The following SP110 variants were observed in gnomAD, a reference collection of about 807,000 sequenced individuals.
SP110 encodes SP110 nuclear body protein.
Under a neutral mutation model 92.7 loss-of-function variants are expected in SP110, and 62 were observed. The ratio of observed to expected loss-of-function variants is 0.67; its 90% CI spans 0.55 to 0.83. SP110 has a LOEUF of 0.83. Ranked by LOEUF, SP110 falls within the 40% of genes least tolerant of loss-of-function variation. SP110 has a pLI of 0.00. For missense variants in SP110, 793 were observed against 863.9 expected (o/e 0.92, Z 1.03); for synonymous variants, 273 against 305.3 (o/e 0.89, Z 1.10).
chr2:230,224,178 C>A (rs185650711), upstream of SP110, among the ~76,000 whole-genome samples: 9 of 152,316 alleles, frequency 5.9e-5, no homozygotes, highest in Admixed American at 5.2e-4. Flanking sequence ...CCAATCTTAC[C>A]ACCAGTCAGC....
intron 10 of SP110, among the ~76,000 whole-genome samples, chr2:230,198,461 C>CGAGA (rs2042978583): frequency 6.6e-6 from 1 of 152,204 alleles, no homozygotes; most frequent in African/African-American, 2.4e-5. Context: ...TCCTCTTTCT[C>CGAGA]TGGTCTCCCT....
At chr2:230,202,095 A>G (rs1202246677) in intron 9 of SP110, among the ~76,000 whole-genome samples, 1 of 152,216 alleles carries the variant, frequency 6.6e-6, no homozygotes. Context: ...CAAACATAAA[A>G]TGATGTCACT....
intron 8 of SP110, among the ~76,000 whole-genome samples, chr2:230,206,425 G>A (rs1297989799): frequency 3.3e-5 from 5 of 151,236 alleles, no homozygotes; most frequent in South Asian, 2.1e-4. Flanking sequence ...CACTGGTCTC[G>A]TTCCCTCAGT....
At chr2:230,172,677 G>A in intron 15 of SP110, 167 bp downstream of exon 15, 2 of 619,940 alleles carry the variant, frequency 3.2e-6, no homozygotes, top group Non-Finnish European at 5.9e-6. Flanking sequence ...GGCAGAAGCA[G>A]TGTGGGGCCA....
rs1321391212 is a variant in SP110, at chr2:230,165,988, G to A, written c.*3136C>T. Reference sequence around the variant, plus strand: ...GGCTCACTGCAACCTCCACCTCCCGGGTTCAAGCGATTCTCCTGCCTCAGC... The same window carrying A: ...GGCTCACTGCAACCTCCACCTCCCGAGTTCAAGCGATTCTCCTGCCTCAGC... On this transcript the variant is annotated 3_prime_UTR_variant, in exon 19 of 19. Transcript: ENST00000258381. Among the ~76,000 whole-genome samples, 2 of 151,290 alleles carry A rather than the reference G, an allele frequency of 1.3e-5. No homozygotes were observed. The highest frequency in any genetic ancestry group is 3.9e-4 in the East Asian group (2 of 5,166).
chr2:230,170,852 G>A (rs1473366161), intron 17 of SP110, 91 bp from the exon 18 acceptor site: 1 of 1,342,082 alleles, frequency 7.5e-7, no homozygotes, highest in Non-Finnish European at 1.1e-6. Flanking sequence ...TTCATTTCCA[G>A]GGTCATAATG....
At chr2:230,203,079 TA>T (rs139907286) in intron 8 of SP110, 42,404 of 336,774 alleles carry the variant, frequency 0.13, 3,385 homozygotes, top group South Asian at 0.25. Context: ...AGGTGTCTTA[TA>T]AAGCACCTCT....
intron 14 of SP110, chr2:230,176,507 T>C (rs2041865171): frequency 1.9e-6 from 3 of 1,542,628 alleles, no homozygotes; most frequent in Non-Finnish European, 2.6e-6. Context: ...TTTAGAGTCA[T>C]TTGCTTCCCC....
Position 230,186,041 on chromosome 2 carries a change from C to T in SP110, c.1232G>A (p.Arg411Lys). The part of the protein sequence containing the change: ...DSTWNSEVMM[R>K]VQKARTKCAR... ...ACATTTAGTTCTTGCCTTTTGGACC[C>T]TCATCATGACCTCTGAGTTCCAGGT... The change falls in exon 11 of 19, where the codon AGG becomes AAG. Residue 411 changes from arginine (R) to lysine (K), a missense_variant. Arg to Lys is a conservative substitution (Grantham distance 26). Coordinates refer to ENST00000258381, the MANE Select transcript of SP110 (RefSeq NM_080424.4). 1 of 1,614,126 alleles carries T rather than the reference C, an allele frequency of 6.2e-7. No homozygotes were observed. The highest frequency in any genetic ancestry group is 8.5e-7 in the Non-Finnish European group (1 of 1,179,990).
chr2:230,214,931 A>T lies in SP110; in HGVS notation c.316+19T>A. On this transcript the variant is annotated intron_variant, in intron 3 of 18. Transcript: ENST00000258381. ...TAGCAACTTTTTAAATGCAAAAAGC[A>T]CTTGAGAAATCTCATTACCACGTTT... 1 of 1,610,658 alleles carries T rather than the reference A, an allele frequency of 6.2e-7. No homozygotes were observed. The highest frequency in any genetic ancestry group is 8.5e-7 in the Non-Finnish European group (1 of 1,176,798).
chr2:230,178,764 G>A (rs1284338012), intron 12 of SP110, among the ~76,000 whole-genome samples: 2 of 152,174 alleles, frequency 1.3e-5, no homozygotes, highest in Admixed American at 6.5e-5. Context: ...CTTCTTCCTC[G>A]ATGAATAAAA....
chr2:230,217,833 C>T (rs1419596744), intron 1 of SP110, among the ~76,000 whole-genome samples: 3 of 152,182 alleles, frequency 2.0e-5, no homozygotes, highest in African/African-American at 4.8e-5. Context: ...AGGGACCACC[C>T]TAAAATGGGT....
chr2:230,187,439 G>A (rs148495071), intron 10 of SP110, among the ~76,000 whole-genome samples: 2,530 of 152,222 alleles, frequency 0.017, 49 homozygotes, highest in African/African-American at 0.055. Context: ...CATTCTGTGG[G>A]TTGTCTGTTT....
intron 10 of SP110, chr2:230,200,650 C>A (rs1287597111): frequency 1.1e-5 from 6 of 565,374 alleles, no homozygotes; most frequent in Non-Finnish European, 1.9e-5. Flanking sequence ...TGAGAAAAAT[C>A]TTATATAGTG....
intron 18 of SP110, among the ~76,000 whole-genome samples, 168 bp from the exon 19 acceptor site, chr2:230,169,405 C>T (rs911469558): frequency 4.6e-5 from 7 of 152,188 alleles, no homozygotes; most frequent in Admixed American, 4.6e-4. Flanking sequence ...AATTCCTGGG[C>T]TCATGTGATC....
chr2:230,170,346 T>A (rs2078402187), intron 18 of SP110, among the ~76,000 whole-genome samples: 1 of 152,186 alleles, frequency 6.6e-6, no homozygotes, highest in Non-Finnish European at 1.5e-5. Flanking sequence ...GGATGCCATT[T>A]ACTGCTCTCG....
At chr2:230,210,107 C>T in intron 6 of SP110, 99 bp from the exon 7 acceptor site, 1 of 801,802 alleles carries the variant, frequency 1.2e-6, no homozygotes. Flanking sequence ...AAAGTACATG[C>T]AGCCCAGGGC....
At chr2:230,170,873 T>C (rs9783992) in intron 17 of SP110, 112 bp from the exon 18 acceptor site, 124,171 of 1,111,588 alleles carry the variant, frequency 0.11, 7,503 homozygotes, top group Non-Finnish European at 0.12. Flanking sequence ...ATAATACCAT[T>C]TGACCTCTTT....
At chr2:230,179,337 T>TGG (rs372569186) in intron 12 of SP110, among the ~76,000 whole-genome samples, 13 of 151,452 alleles carry the variant, frequency 8.6e-5, no homozygotes, top group African/African-American at 3.2e-4. Context: ...TGGAGGGTAG[T>TGG]GGGGGTGTGG....
Sources: gnomAD v4.1 joint callset for allele counts (sites outside exome capture counted in the v4.1 genomes callset) on GRCh38, gnomAD v4.1.1 for gene constraint, MANE v1.5 for transcripts, NCBI Gene and HGNC (gene_info 2026-07-23, HGNC 2026-07-21) for gene names.